The following STOX2 variants were observed in gnomAD, a reference collection of about 807,000 sequenced individuals.
STOX2 encodes the protein storkhead box 2.
STOX2 carries 28 observed loss-of-function variants against 60.9 expected under a neutral mutation model. The ratio of observed to expected loss-of-function variants is 0.46; its 90% confidence interval spans 0.34 to 0.63. The LOEUF (loss-of-function observed/expected upper bound fraction) is 0.63. Among genes scored for constraint, STOX2 ranks in the 30% least tolerant of loss-of-function variants. The pLI is 0.01. For missense variants in STOX2, 1,024 were observed against 1,187.7 expected, an observed-to-expected ratio of 0.86 and a Z score of 2.03; for synonymous variants, 472 against 463.9, an observed-to-expected ratio of 1.02 and a Z score of -0.22.
chr4:183,838,357 T>C (rs898839359), intron 1 of STOX2, among the ~76,000 whole-genome samples: 1 of 151,500 alleles, frequency 6.6e-6, no homozygotes, highest in Non-Finnish European at 1.5e-5. Flanking sequence ...AAATGAAATT[T>C]GTTAAATAAA....
chr4:183,961,247 C>G (rs1298883401), intron 1 of STOX2, among the ~76,000 whole-genome samples: 1 of 152,188 alleles, frequency 6.6e-6, no homozygotes, highest in African/African-American at 2.4e-5. Context: ...GCTCACCGAG[C>G]TGTCATATTG....
intron 1 of STOX2, among the ~76,000 whole-genome samples, chr4:183,997,804 C>A (rs1473964133): frequency 6.6e-6 from 1 of 152,192 alleles, no homozygotes; most frequent in Non-Finnish European, 1.5e-5. Flanking sequence ...TTTTGTTCTA[C>A]ATTCTGAGTT....
chr4:183,808,144 T>G (rs2111097894), intron 1 of STOX2, among the ~76,000 whole-genome samples: 1 of 152,350 alleles, frequency 6.6e-6, no homozygotes, highest in East Asian at 1.9e-4. Context: ...CCTGGACTCT[T>G]CCTGAGGAAG....
At chr4:183,911,087 A>C (rs1245267774) in intron 1 of STOX2, among the ~76,000 whole-genome samples, 2 of 152,094 alleles carry the variant, frequency 1.3e-5, no homozygotes, top group African/African-American at 4.8e-5. Context: ...GCCATTACAG[A>C]ATTGGGCTGT....
chr4:183,909,786 A>C (rs1741727672), intron 1 of STOX2, among the ~76,000 whole-genome samples: 1 of 152,264 alleles, frequency 6.6e-6, no homozygotes, highest in Admixed American at 6.5e-5. Context: ...CATTTCAAAC[A>C]GTCTTTTCTC....
intron 2 of STOX2, among the ~76,000 whole-genome samples, chr4:184,008,202 T>C (rs377005007): frequency 6.6e-5 from 10 of 152,178 alleles, no homozygotes; most frequent in African/African-American, 2.4e-4. Context: ...GTGCCTGGCA[T>C]TGAGAAATGG....
rs1465053599 is a variant in STOX2 at position 184,018,176 on chromosome 4, A to G, written c.*892A>G. 6.6e-6 allele frequency: 1 copy of G among 152,210 alleles called. No individual in the cohort carries two copies. The highest frequency in any genetic ancestry group is 1.5e-5 in the Non-Finnish European group (1 of 68,046). The allele number at this position is 152,210 out of a possible 1,614,324, so 9.4% of individuals were successfully genotyped here. ...TTTCCTCCTTGTGATACTTAGGATGACCCTATCTTACTCTAATAGATACAA... is the reference window on the plus strand; with the variant it reads ...TTTCCTCCTTGTGATACTTAGGATGGCCCTATCTTACTCTAATAGATACAA... On this transcript the variant is annotated 3_prime_UTR_variant, in exon 4 of 4. Coordinates refer to ENST00000308497, the MANE Select transcript of STOX2 (RefSeq NM_020225.3).
intron 1 of STOX2, among the ~76,000 whole-genome samples, chr4:183,958,227 C>T (rs1292560661): frequency 6.6e-6 from 1 of 152,142 alleles, no homozygotes; most frequent in Non-Finnish European, 1.5e-5. Context: ...GCTATGGGAG[C>T]TCTTTGTACT....
chr4:183,804,798 A>G (rs937581283), intron 1 of STOX2, among the ~76,000 whole-genome samples: 3 of 144,920 alleles, frequency 2.1e-5, no homozygotes, highest in Admixed American at 6.9e-5. Context: ...GTAATAAAGC[A>G]TTTAGAATGA....
intron 1 of STOX2, among the ~76,000 whole-genome samples, chr4:183,858,057 G>A (rs1740343663): frequency 6.6e-6 from 1 of 152,168 alleles, no homozygotes; most frequent in African/African-American, 2.4e-5. Context: ...GGAGCGGGTA[G>A]TAAATAGGCC....
intron 1 of STOX2, among the ~76,000 whole-genome samples, chr4:183,890,552 GGAAT>G (rs1161431900): frequency 6.8e-6 from 1 of 147,422 alleles, no homozygotes; most frequent in African/African-American, 2.5e-5. Context: ...GAGAGAGGGA[GGAAT>G]GGAGGGAGGA....
chr4:184,007,343 A>G (rs374535342), intron 2 of STOX2, among the ~76,000 whole-genome samples: 97 of 152,268 alleles, frequency 6.4e-4, no homozygotes, highest in African/African-American at 2.2e-3. Flanking sequence ...GAGTTGAAGC[A>G]TCTCAGCTGA....
chr4:183,978,626 G>T (rs4241783), intron 1 of STOX2, among the ~76,000 whole-genome samples: 78,949 of 152,010 alleles, frequency 0.52, 20,550 homozygotes, highest in African/African-American at 0.56. Flanking sequence ...CTTACCATAT[G>T]ATCCAGCAAT....
chr4:183,839,405 C>A (rs756699713), intron 1 of STOX2, among the ~76,000 whole-genome samples: 4 of 152,148 alleles, frequency 2.6e-5, no homozygotes, highest in Non-Finnish European at 5.9e-5. Flanking sequence ...TTAACGTTCT[C>A]CTGCATATAG....
intron 1 of STOX2, among the ~76,000 whole-genome samples, chr4:183,800,378 T>C (rs1050880338): frequency 6.6e-6 from 1 of 152,168 alleles, no homozygotes; most frequent in African/African-American, 2.4e-5. Flanking sequence ...AGCGTGATGT[T>C]ATAGGAATAG....
intron 1 of STOX2, among the ~76,000 whole-genome samples, chr4:183,979,639 A>G (rs929567122): frequency 1.3e-5 from 2 of 152,156 alleles, no homozygotes; most frequent in African/African-American, 4.8e-5. Flanking sequence ...ATTAGTTCCT[A>G]ATTTTCAGTT....
chr4:183,808,929 A>C (rs750220083), intron 1 of STOX2, among the ~76,000 whole-genome samples: 2 of 152,228 alleles, frequency 1.3e-5, no homozygotes, highest in Non-Finnish European at 2.9e-5. Context: ...TACTGTTTTA[A>C]GAAACTTTAA....
intron 1 of STOX2, among the ~76,000 whole-genome samples, chr4:183,948,218 CAAAAAAAAAAAA>C (rs760286920): frequency 3.3e-5 from 1 of 29,874 alleles, no homozygotes; most frequent in Middle Eastern, 0.042. Flanking sequence ...AACTCCATCT[CAAAAAAAAAAAA>C]AAAAAAAAAA....
At chr4:183,866,345 A>G (rs140843823) in intron 1 of STOX2, among the ~76,000 whole-genome samples, 5 of 152,288 alleles carry the variant, frequency 3.3e-5, no homozygotes, top group African/African-American at 9.6e-5. Flanking sequence ...GCCTGAAGAA[A>G]TCATATTATA....
Sources: gnomAD v4.1 joint callset for allele counts (sites outside exome capture counted in the v4.1 genomes callset) on GRCh38, gnomAD v4.1.1 for gene constraint, MANE v1.5 for transcripts, NCBI Gene and HGNC (gene_info 2026-07-23, HGNC 2026-07-21) for gene names.